Variants in RASGEF1A observed in about 807,000 individuals in gnomAD.
RASGEF1A encodes the protein RasGEF domain family member 1A, also known as ras-GEF domain-containing family member 1A.
Under a neutral mutation model 56.4 loss-of-function variants are expected in RASGEF1A, and 18 were observed. The observed-to-expected ratio is 0.32, with a 90% CI of 0.22 to 0.47. The LOEUF is 0.47. RASGEF1A is among the 20% of genes least tolerant of loss of function. The pLI, the probability that RASGEF1A is intolerant of heterozygous loss-of-function variation, is 1.00. For missense variants in RASGEF1A, 422 were observed against 627.1 expected (o/e 0.67, Z 3.49); for synonymous variants, 245 against 242.6 (o/e 1.01, Z -0.09).
chr10:43,232,096 C>CAGGAGG (rs1449207105), intron 1 of RASGEF1A, among the ~76,000 whole-genome samples: 4 of 152,248 alleles, frequency 2.6e-5, no homozygotes, highest in Non-Finnish European at 4.4e-5. Flanking sequence ...GGTCACAGGA[C>CAGGAGG]AGGAGGCTGG....
At chr10:43,205,856 C>A in intron 2 of RASGEF1A, 63 bp downstream of exon 2, 1 of 1,396,766 alleles carries the variant, frequency 7.2e-7, no homozygotes, top group Non-Finnish European at 1.0e-6. Context: ...CCTCCCACAC[C>A]CGACATCTCC....
chr10:43,196,659 G>C lies in RASGEF1A; in HGVS notation c.1349-111C>G, dbSNP rs1336462183. The C allele has an allele frequency of 3.8e-6, 4 of 1,046,376 alleles. No homozygotes were observed. The highest frequency in any genetic ancestry group is 1.3e-5 in the South Asian group (1 of 78,402). The allele number at this position is 1,046,376 out of a possible 1,614,324, so 64.8% of individuals were successfully genotyped here. A position where few individuals can be genotyped will look rare whatever the true frequency, so the allele number is the denominator to read the frequency against. ...CACAAGGGGACAGTGACCTCTGGCT[G>C]GGCTGAACACAGTTCTCTGCTGTGC... On this transcript the variant is annotated intron_variant, in intron 11 of 12. Coordinates refer to ENST00000395810, the MANE Select transcript of RASGEF1A (RefSeq NM_145313.4). The surrounding 1 kb of genome is among the most constrained non-coding windows in gnomAD (Gnocchi z 4.6).
At chr10:43,217,425 C>T (rs978762736) in intron 1 of RASGEF1A, among the ~76,000 whole-genome samples, 1 of 152,222 alleles carries the variant, frequency 6.6e-6, no homozygotes, top group Admixed American at 6.5e-5. Flanking sequence ...CTGGACGACC[C>T]GCCTCAGCGC....
chr10:43,222,186 A>C (rs1840217666), intron 1 of RASGEF1A, among the ~76,000 whole-genome samples: 1 of 152,204 alleles, frequency 6.6e-6, no homozygotes, highest in Non-Finnish European at 1.5e-5. Context: ...CTACAGCTAA[A>C]CATAGAAAAA....
At chr10:43,244,923 C>T (rs1309368967) in intron 1 of RASGEF1A, among the ~76,000 whole-genome samples, 1 of 151,156 alleles carries the variant, frequency 6.6e-6, no homozygotes, top group African/African-American at 2.4e-5. Context: ...AAAAGAGAAG[C>T]AAATTAAATT....
intron 1 of RASGEF1A, among the ~76,000 whole-genome samples, chr10:43,220,869 G>A (rs566622612): frequency 6.6e-6 from 1 of 152,228 alleles, no homozygotes; most frequent in African/African-American, 2.4e-5. Context: ...ATTAGCATAG[G>A]TGTGGTGGAC....
At chr10:43,200,062 T>C (rs1156311831) in intron 6 of RASGEF1A, 120 bp downstream of exon 6, 28 of 802,224 alleles carry the variant, frequency 3.5e-5, no homozygotes, top group East Asian at 3.2e-4. Flanking sequence ...TCGGGGCTCA[T>C]GGCCCAGCAC....
intron 3 of RASGEF1A, among the ~76,000 whole-genome samples, chr10:43,202,857 C>T (rs1588928684): frequency 6.6e-6 from 1 of 150,674 alleles, no homozygotes; most frequent in African/African-American, 2.4e-5. Context: ...CGCCCCACAG[C>T]CCCAGCCAGG....
chr10:43,233,769 T>C (rs1279418273), intron 1 of RASGEF1A, among the ~76,000 whole-genome samples: 1 of 152,152 alleles, frequency 6.6e-6, no homozygotes, highest in Non-Finnish European at 1.5e-5. Flanking sequence ...ATGGAGGCTG[T>C]GCAGAAACAC....
At chr10:43,199,275 G>A in intron 7 of RASGEF1A, 81 bp from the exon 8 acceptor site, 2 of 1,089,776 alleles carry the variant, frequency 1.8e-6, no homozygotes, top group South Asian at 1.3e-5. Context: ...GAACAGAGGG[G>A]CAGGGAGGAC....
intron 1 of RASGEF1A, among the ~76,000 whole-genome samples, chr10:43,242,421 G>A (rs189477576): frequency 1.4e-4 from 21 of 152,202 alleles, no homozygotes; most frequent in Non-Finnish European, 3.1e-4. Flanking sequence ...AAAAATAGTT[G>A]GGGAATTCAA....
intron 1 of RASGEF1A, among the ~76,000 whole-genome samples, chr10:43,262,072 T>C (rs889266232): frequency 2.6e-5 from 4 of 152,064 alleles, no homozygotes; most frequent in Non-Finnish European, 5.9e-5. Context: ...CAAGGCTGCC[T>C]GACATTCACA....
rs1839790295 is a variant in RASGEF1A at position 43,195,971 on chromosome 10, A to T, written c.*273T>A. 1 of 290,746 alleles carries T rather than the reference A, an allele frequency of 3.4e-6. No homozygotes were observed. The highest frequency in any genetic ancestry group is 5.1e-5 in the Admixed American group (1 of 19,520). The allele number at this position is 290,746 out of a possible 1,614,324, so 18.0% of individuals were successfully genotyped here. A position where few individuals can be genotyped will look rare whatever the true frequency, so the allele number is the denominator to read the frequency against. On this transcript the variant is annotated 3_prime_UTR_variant, in exon 13 of 13. Coordinates refer to ENST00000395810, the MANE Select transcript of RASGEF1A (RefSeq NM_145313.4). The surrounding 1 kb of genome is among the most constrained non-coding windows in gnomAD (Gnocchi z 4.2). The stretch of plus-strand genomic sequence containing the variant: ...AGTAGAAAATAAAAATCTACATTTC[A>T]TTAGAATAAGATGTTATCATGGATA...
At chr10:43,202,379 C>T (rs1404968129) in intron 3 of RASGEF1A, among the ~76,000 whole-genome samples, 4 of 152,172 alleles carry the variant, frequency 2.6e-5, no homozygotes, top group African/African-American at 7.2e-5. Context: ...CGCGCTCCCG[C>T]GCCCTAGTCC....
chr10:43,265,698 G>A (rs1836610749), intron 1 of RASGEF1A, among the ~76,000 whole-genome samples: 1 of 152,264 alleles, frequency 6.6e-6, no homozygotes, highest in Non-Finnish European at 1.5e-5. Flanking sequence ...TCAGAAGCCT[G>A]CAGCCTGCCC....
chr10:43,222,424 A>C (rs115791747), intron 1 of RASGEF1A, among the ~76,000 whole-genome samples: 2,363 of 152,278 alleles, frequency 0.016, 67 homozygotes, highest in African/African-American at 0.054. Context: ...CTCTAGGGAC[A>C]AGAGAGAGGC....
intron 6 of RASGEF1A, 122 bp from the exon 7 acceptor site, chr10:43,199,890 C>A: frequency 1.2e-6 from 1 of 849,392 alleles, no homozygotes; most frequent in Non-Finnish European, 1.9e-6. Flanking sequence ...TCAATCATGC[C>A]TGCGTGCTCC....
chr10:43,260,404 A>G (rs542515440), intron 1 of RASGEF1A, among the ~76,000 whole-genome samples: 2 of 152,184 alleles, frequency 1.3e-5, no homozygotes, highest in Non-Finnish European at 1.5e-5. Context: ...GTTGCCTCAC[A>G]TAAGACAGCT....
intron 1 of RASGEF1A, among the ~76,000 whole-genome samples, chr10:43,229,403 C>T (rs1051713527): frequency 8.5e-5 from 13 of 152,358 alleles, no homozygotes; most frequent in Non-Finnish European, 1.8e-4. Context: ...CCACTGTGCT[C>T]TCGGCGTCCG....
Sources: gnomAD v4.1 joint callset for allele counts (sites outside exome capture counted in the v4.1 genomes callset) on GRCh38, gnomAD v4.1.1 for gene constraint, Gnocchi (gnomAD v3.1) non-coding constraint, MANE v1.5 for transcripts, NCBI Gene and HGNC (gene_info 2026-07-23, HGNC 2026-07-21) for gene names.